Variants in PEX5L observed in about 807,000 individuals in gnomAD.
The protein encoded by PEX5L is PEX5-related protein.
Under a neutral mutation model 84.0 loss-of-function variants are expected in PEX5L, and 30 were observed. The observed-to-expected ratio is 0.36, with a 90% CI of 0.27 to 0.48. The LOEUF is 0.48. Ranked by LOEUF, PEX5L falls within the 20% of genes least tolerant of loss-of-function variation. The probability of loss-of-function intolerance (pLI) is 0.99; values close to 1 mark genes in which losing one functional copy is unlikely to be tolerated. For synonymous variants in PEX5L, 270 were observed against 283.1 expected (o/e 0.95, Z 0.46); for missense variants, 533 against 754.6 (o/e 0.71, Z 3.44).
intron 1 of PEX5L, among the ~76,000 whole-genome samples, chr3:179,993,352 T>C (rs1579265497): frequency 6.6e-6 from 1 of 152,184 alleles, no homozygotes; most frequent in Admixed American, 6.5e-5. Context: ...AAAGGGATCA[T>C]AGTGTGTACA....
In PEX5L at chr3:180,005,707, C is replaced by T. The variant is rs1250326683; in HGVS notation, c.21+30872G>A. Among the ~76,000 whole-genome samples the T allele has an allele frequency of 7.3e-5, 11 of 150,000 alleles. No individual in the cohort carries two copies. In the East Asian group the frequency reaches 1.2e-3, roughly 16 times the overall value. On this transcript the variant is annotated intron_variant, in intron 1 of 14. Coordinates refer to ENST00000467460, the MANE Select transcript of PEX5L (RefSeq NM_016559.3). ...TAGCGCCACTGCACTCCAGCCTGGG[C>T]GACAGAGCGAGACTCTGTCTCAAAA...
intron 1 of PEX5L, among the ~76,000 whole-genome samples, chr3:180,033,211 G>C (rs1161082834): frequency 6.6e-6 from 1 of 152,180 alleles, no homozygotes; most frequent in African/African-American, 2.4e-5. Flanking sequence ...TTTTTGGGCT[G>C]TTAATAATCT....
chr3:179,856,176 TG>T (rs549214854), intron 8 of PEX5L, among the ~76,000 whole-genome samples: 17 of 152,252 alleles, frequency 1.1e-4, no homozygotes, highest in Non-Finnish European at 2.4e-4. Context: ...TTCATAGCAC[TG>T]CTGTGATGAT....
chr3:180,008,412 C>T (rs569912104), intron 1 of PEX5L, among the ~76,000 whole-genome samples: 32 of 152,238 alleles, frequency 2.1e-4, no homozygotes, highest in Non-Finnish European at 3.4e-4. Flanking sequence ...AATTTTCCCA[C>T]ATTTTCCTGT....
intron 1 of PEX5L, among the ~76,000 whole-genome samples, chr3:179,975,322 A>C (rs1032116583): frequency 9.2e-5 from 14 of 152,178 alleles, no homozygotes; most frequent in Non-Finnish European, 2.1e-4. Flanking sequence ...AAATGAAGTA[A>C]CTCCTGTTCA....
chr3:179,880,789 C>G (rs1031362884), intron 4 of PEX5L: 1 of 152,206 alleles, frequency 6.6e-6, no homozygotes, highest in Non-Finnish European at 1.5e-5. Flanking sequence ...ATTAAATACT[C>G]TAATGAAAGC....
intron 1 of PEX5L, among the ~76,000 whole-genome samples, chr3:180,021,712 C>CA (rs1790444046): frequency 6.6e-6 from 1 of 152,120 alleles, no homozygotes; most frequent in South Asian, 2.1e-4. Context: ...ACAGTGAGTC[C>CA]ATATCTGAAC....
At chr3:179,949,405 A>G (rs555945853) in intron 2 of PEX5L, among the ~76,000 whole-genome samples, 143 of 152,302 alleles carry the variant, frequency 9.4e-4, no homozygotes, top group African/African-American at 3.3e-3. Context: ...ATGTCAGTAT[A>G]AACTCTGTCA....
chr3:179,848,658 T>C (rs370293986), intron 8 of PEX5L, among the ~76,000 whole-genome samples: 1 of 152,104 alleles, frequency 6.6e-6, no homozygotes, highest in Non-Finnish European at 1.5e-5. Context: ...GTTTCTAATA[T>C]TCCCACAACT....
At chr3:179,941,815 G>C (rs749379148) in intron 2 of PEX5L, among the ~76,000 whole-genome samples, 13 of 152,084 alleles carry the variant, frequency 8.5e-5, no homozygotes, top group Non-Finnish European at 1.8e-4. Flanking sequence ...GAGGTCAGGA[G>C]TTCGAGACCA....
At chr3:179,894,045 C>T (rs115486605) in intron 3 of PEX5L, among the ~76,000 whole-genome samples, 3,998 of 151,972 alleles carry the variant, frequency 0.026, 80 homozygotes, top group Non-Finnish European at 0.039. Context: ...ACTACAGGTG[C>T]CAACCACTTC....
At chr3:179,952,569 G>A (rs867022693) in intron 2 of PEX5L, among the ~76,000 whole-genome samples, 1 of 152,064 alleles carries the variant, frequency 6.6e-6, no homozygotes, top group East Asian at 1.9e-4. Flanking sequence ...TCTTTAGGGA[G>A]AACCATAAAC....
chr3:179,957,392 A>G (rs1780852642), intron 2 of PEX5L, among the ~76,000 whole-genome samples: 1 of 152,166 alleles, frequency 6.6e-6, no homozygotes. Context: ...TGGGAGGATC[A>G]CAGAAGGAAT....
intron 1 of PEX5L, among the ~76,000 whole-genome samples, chr3:179,977,959 A>AT (rs1785967670): frequency 6.6e-6 from 1 of 152,230 alleles, no homozygotes; most frequent in Non-Finnish European, 1.5e-5. Context: ...ATGGGCAAAC[A>AT]AAACATATGG....
chr3:180,001,943 T>C (rs1050433924), intron 1 of PEX5L, among the ~76,000 whole-genome samples: 2 of 152,196 alleles, frequency 1.3e-5, no homozygotes, highest in Admixed American at 6.5e-5. Flanking sequence ...CATATACATA[T>C]AGACGTTAGC....
intron 4 of PEX5L, among the ~76,000 whole-genome samples, chr3:179,885,486 G>T (rs1021672259): frequency 6.6e-6 from 1 of 151,856 alleles, no homozygotes; most frequent in East Asian, 1.9e-4. Context: ...CTCTACTAAA[G>T]ATACAAAAAA....
chr3:179,836,459 C>T (rs1734951548), intron 8 of PEX5L, among the ~76,000 whole-genome samples: 2 of 152,110 alleles, frequency 1.3e-5, no homozygotes, highest in Admixed American at 6.6e-5. Context: ...AATGGAGTCA[C>T]TCATGCTGAA....
rs148495757 is a variant in PEX5L at position 180,024,347 on chromosome 3, A to AATATATATATATATATATATAT, written c.21+12210_21+12231dup. Among the ~76,000 whole-genome samples the AATATATATATATATATATATAT allele has an allele frequency of 1.4e-3, 150 of 107,592 alleles. 1 individual carries two copies. The highest frequency in any genetic ancestry group is 4.1e-3 in the African/African-American group (107 of 26,204). The allele number at this position is 107,592 out of a possible 152,430, so 70.6% of individuals were successfully genotyped here. ...ACACTGTGAAACCCCGTCCCTACTA[A>AATATATATATATATATATATAT]ATATATATATATATATATATATATA... On this transcript the variant is annotated intron_variant, in intron 1 of 14. Transcript: ENST00000467460.
At chr3:179,912,451 G>A (rs1765506910) in intron 2 of PEX5L, among the ~76,000 whole-genome samples, 1 of 152,048 alleles carries the variant, frequency 6.6e-6, no homozygotes, top group Non-Finnish European at 1.5e-5. Flanking sequence ...CTAATTCTAG[G>A]TAGATGTTAT....
Sources: allele counts gnomAD v4.1 joint callset (sites outside exome capture counted in the v4.1 genomes callset), GRCh38; gene constraint gnomAD v4.1.1; transcripts MANE v1.5; gene names NCBI Gene and HGNC (gene_info 2026-07-23, HGNC 2026-07-21).